The following ARHGEF4 variants were observed in gnomAD, a reference collection of about 807,000 sequenced individuals.
ARHGEF4 encodes APC-stimulated guanine nucleotide exchange factor 1.
In ARHGEF4, 119 loss-of-function variants were observed where a neutral mutation model predicts 162.0. That is an observed-to-expected ratio of 0.73 (90% CI 0.63 to 0.86). ARHGEF4 has a LOEUF of 0.86. Among genes scored for constraint, ARHGEF4 ranks in the 40% least tolerant of loss-of-function variants. The pLI, the probability that ARHGEF4 is intolerant of heterozygous loss-of-function variation, is 0.00. For synonymous variants in ARHGEF4, 1,014 were observed against 979.9 expected (o/e 1.03, Z -0.65); for missense variants, 2,488 against 2,456.0 (o/e 1.01, Z -0.28).
chr2:130,998,481 G>A (rs1012639218), intron 4 of ARHGEF4, among the ~76,000 whole-genome samples: 3 of 152,050 alleles, frequency 2.0e-5, no homozygotes, highest in Non-Finnish European at 4.4e-5. Context: ...TATTCTCCCC[G>A]CACCTTTGGC....
intron 5 of ARHGEF4, among the ~76,000 whole-genome samples, chr2:131,028,948 T>C (rs1279434106): frequency 6.6e-6 from 1 of 152,148 alleles, no homozygotes; most frequent in Non-Finnish European, 1.5e-5. Flanking sequence ...AATGAATGAG[T>C]TGGGGGGCTT....
intron 1 of ARHGEF4, among the ~76,000 whole-genome samples, chr2:130,843,597 G>A (rs1002866317): frequency 1.3e-5 from 2 of 152,232 alleles, no homozygotes; most frequent in African/African-American, 4.8e-5. Context: ...GGGGGGGCAC[G>A]GTTCCCACCT....
At chr2:130,875,014 G>A (rs1213049199) in intron 1 of ARHGEF4, among the ~76,000 whole-genome samples, 1 of 152,130 alleles carries the variant, frequency 6.6e-6, no homozygotes, top group Non-Finnish European at 1.5e-5. Context: ...ACTCTGGTTC[G>A]TTTTTTGATG....
chr2:130,906,613 G>A (rs780180954), intron 1 of ARHGEF4, among the ~76,000 whole-genome samples: 4 of 152,176 alleles, frequency 2.6e-5, no homozygotes, highest in South Asian at 2.1e-4. Context: ...CCAACATGGC[G>A]AACCAGCCCT....
chr2:130,995,726 C>T (rs536388637), intron 4 of ARHGEF4, among the ~76,000 whole-genome samples: 102 of 152,248 alleles, frequency 6.7e-4, no homozygotes, highest in African/African-American at 2.1e-3. Flanking sequence ...AGCTGAGCCA[C>T]GTCCTGCAGG....
intron 1 of ARHGEF4, among the ~76,000 whole-genome samples, chr2:130,881,969 G>A (rs775608162): frequency 4.0e-4 from 61 of 152,086 alleles, no homozygotes; most frequent in Non-Finnish European, 8.8e-5. Context: ...GCAGCGCTTG[G>A]GGTAATCAAG....
At chr2:130,844,299 G>A (rs1286493485) in intron 1 of ARHGEF4, among the ~76,000 whole-genome samples, 2 of 152,188 alleles carry the variant, frequency 1.3e-5, no homozygotes, top group Non-Finnish European at 2.9e-5. Context: ...CCCTGGCTCC[G>A]GGACCCTCCA....
intron 4 of ARHGEF4, among the ~76,000 whole-genome samples, chr2:131,022,657 CAAA>C (rs61532647): frequency 0.84 from 120,083 of 143,474 alleles, 52,681 homozygotes; most frequent in Non-Finnish European, 0.97. Flanking sequence ...ACACATTATA[CAAA>C]AAAAAAAAAA....
chr2:131,041,362 G>A lies in ARHGEF4; in HGVS notation c.4795G>A (p.Asp1599Asn). 1 of 1,613,582 alleles carries A rather than the reference G, an allele frequency of 6.2e-7. No homozygotes were observed. The highest frequency in any genetic ancestry group is 8.5e-7 in the Non-Finnish European group (1 of 1,180,030). ...CTGCCGGCTGCTGCAGAAGATGATT[G>A]ACATCTCCCTGGATGGCTTCCTGCT... ...EACRLLQKMIDISLDGFLLTP... is the reference protein window; with the variant it reads ...EACRLLQKMINISLDGFLLTP... The change falls in exon 9 of 14, where the codon GAC becomes AAC. Residue 1599 changes from aspartate to asparagine, a missense_variant. Coordinates refer to ENST00000409359, the MANE Select transcript of ARHGEF4 (RefSeq NM_001367493.1).
chr2:131,022,243 A>G (rs73000340), intron 4 of ARHGEF4, among the ~76,000 whole-genome samples: 2,491 of 152,204 alleles, frequency 0.016, 72 homozygotes, highest in African/African-American at 0.056. Flanking sequence ...TACTTTAAAT[A>G]TTTGGTAGAA....
chr2:130,944,572 T>C (rs1683495315), intron 3 of ARHGEF4, among the ~76,000 whole-genome samples: 1 of 152,202 alleles, frequency 6.6e-6, no homozygotes, highest in African/African-American at 2.4e-5. Context: ...CTGGATTTTA[T>C]TTTAGTTATT....
intron 4 of ARHGEF4, among the ~76,000 whole-genome samples, chr2:131,004,695 C>T (rs574561591): frequency 9.2e-5 from 14 of 152,088 alleles, no homozygotes; most frequent in East Asian, 1.9e-4. Flanking sequence ...TGTCCCACCC[C>T]GGCCTCACAG....
chr2:130,844,336 G>A (rs1220109997), intron 1 of ARHGEF4, among the ~76,000 whole-genome samples: 1 of 152,196 alleles, frequency 6.6e-6, no homozygotes, highest in Non-Finnish European at 1.5e-5. Context: ...TGCCTGTGAG[G>A]CCCTCCGGCC....
intron 5 of ARHGEF4, 149 bp from the exon 6 acceptor site, chr2:131,038,704 C>T: frequency 2.4e-6 from 2 of 816,576 alleles, no homozygotes. Flanking sequence ...CCAGGAAAGC[C>T]CTGCTCCTGT....
At chr2:130,983,532 C>G (rs1382281644) in intron 4 of ARHGEF4, among the ~76,000 whole-genome samples, 1 of 152,170 alleles carries the variant, frequency 6.6e-6, no homozygotes, top group Admixed American at 6.5e-5. Flanking sequence ...TTTCATTTTA[C>G]CAACCATTTT....
chr2:130,848,464 G>A (rs931330251), intron 1 of ARHGEF4, among the ~76,000 whole-genome samples: 1 of 152,208 alleles, frequency 6.6e-6, no homozygotes, highest in African/African-American at 2.4e-5. Context: ...GGTAGTAAAG[G>A]TTGGCAGCCT....
chr2:130,910,789 T>G (rs1681134633), intron 1 of ARHGEF4, among the ~76,000 whole-genome samples: 1 of 152,240 alleles, frequency 6.6e-6, no homozygotes, highest in Admixed American at 6.5e-5. Context: ...CAGATGACTC[T>G]TTGATGACAG....
Position 130,915,664 on chromosome 2 carries a change from T to C in ARHGEF4, c.1718T>C (p.Val573Ala). 1.9e-6 allele frequency: 3 copies of C among 1,549,844 alleles called. No individual in the cohort carries two copies. The highest frequency in any genetic ancestry group is 2.6e-6 in the Non-Finnish European group (3 of 1,146,888). The part of the protein sequence containing the change: ...DTSKAAEEAM[V>A]LDPNYREQAL... ...TCAAAGGCAGCCGAAGAAGCCATGGTTCTAGACCCCAACTACAGGGAACAG... is the reference window on the plus strand; with the variant it reads ...TCAAAGGCAGCCGAAGAAGCCATGGCTCTAGACCCCAACTACAGGGAACAG... The change falls in exon 2 of 14, where the codon GTT becomes GCT. Residue 573 changes from valine to alanine, a missense_variant. Transcript: ENST00000409359.
rs894077690 is a variant in ARHGEF4, at chr2:130,914,567, G to A, written c.621G>A (p.Gly207=). 1.6e-5 allele frequency: 22 copies of A among 1,399,916 alleles called. No homozygotes were observed. In the African/African-American group the frequency reaches 2.5e-4, roughly 16 times the overall value. 86.7% of individuals were successfully genotyped at this position (1,399,916 alleles called of 1,614,324 possible). Residue 207 remains glycine (G), a synonymous_variant, in exon 2 of 14, where the codon GGG becomes GGA. Transcript: ENST00000409359. ...GGGTGGCTGTTCAAGACCTCAGAGGGCTCTCCAGTGTTTCTCTTCAGAAAT... is the reference window on the plus strand; with the variant it reads ...GGGTGGCTGTTCAAGACCTCAGAGGACTCTCCAGTGTTTCTCTTCAGAAAT... ...VQGVAVQDLR[G]LSSVSLQKSR...
Sources: gnomAD v4.1 joint callset for allele counts (sites outside exome capture counted in the v4.1 genomes callset) on GRCh38, gnomAD v4.1.1 for gene constraint, MANE v1.5 for transcripts, NCBI Gene and HGNC (gene_info 2026-07-23, HGNC 2026-07-21) for gene names.